The following SPR variants were observed in gnomAD, a reference collection of about 807,000 sequenced individuals.
SPR encodes the protein sepiapterin reductase.
In SPR, 12 loss-of-function variants were observed where a neutral mutation model predicts 16.0. The observed-to-expected ratio is 0.75, with a 90% confidence interval of 0.48 to 1.22. The LOEUF is 1.22. Ranked by LOEUF, SPR falls within the 50% of genes most tolerant of loss-of-function variation. The pLI, the probability that SPR is intolerant of heterozygous loss-of-function variation, is 0.00. For missense variants in SPR, 324 were observed against 344.4 expected, an observed-to-expected ratio of 0.94 and a Z score of 0.47; for synonymous variants, 177 against 168.5, an observed-to-expected ratio of 1.05 and a Z score of -0.39.
In SPR at chr2:72,887,714, A is replaced by G. The variant is rs1399832680; in HGVS notation, c.282A>G (p.Arg94=). ...RELPRPKGLQ[R]LLLINNAGSL... The stretch of plus-strand genomic sequence containing the variant: ...TCCCCCGGCCCAAGGGGCTGCAGCG[A>G]CTGCTGCTTATCAACAACGCGGGTA... The change falls in exon 1 of 3, where the codon CGA becomes CGG. Residue 94 remains arginine (R), a synonymous_variant. Coordinates refer to ENST00000234454, the MANE Select transcript of SPR (RefSeq NM_003124.5). 18 of 1,512,032 alleles carry G rather than the reference A, an allele frequency of 1.2e-5. No homozygotes were observed. Among genetic ancestry groups the G allele is most frequent in the Non-Finnish European group, 1.5e-5 (17 of 1,136,468 alleles). The allele number at this position is 1,512,032 out of a possible 1,614,324, so 93.7% of individuals were successfully genotyped here.
rs398122922 is a variant in SPR, at chr2:72,891,345, A to G, written c.596-2A>G. 12 of 1,613,944 alleles carry G rather than the reference A, an allele frequency of 7.4e-6. No individual in the cohort carries two copies. Among genetic ancestry groups the G allele is most frequent in the Admixed American group, 5.0e-5 (3 of 60,000 alleles). ...CCTCATCGTCTCCTTTTCATCCTCT[A>G]GGTCCTCTGGACACAGACATGCAGC... On this transcript the variant is annotated splice_acceptor_variant, in intron 2 of 2. Transcript: ENST00000234454. LOFTEE classifies it high-confidence loss of function.
intron 2 of SPR, among the ~76,000 whole-genome samples, chr2:72,889,965 T>C (rs2105242256): frequency 6.6e-6 from 1 of 152,344 alleles, no homozygotes; most frequent in African/African-American, 2.4e-5. Flanking sequence ...CCTGGAATTC[T>C]CTGATGTTCT....
rs760567265 is a variant in SPR, at chr2:72,888,601, C to T, written c.592C>T (p.Pro198Ser). The T allele has an allele frequency of 1.3e-6, 2 of 1,591,710 alleles. No homozygotes were observed. The highest frequency in any genetic ancestry group is 1.7e-6 in the Non-Finnish European group (2 of 1,167,746). ...TAATGTGAGGGTGCTGAACTATGCC[C>T]CAGGTAGGTGGGAAGTCCTGCCGTC... Reference protein sequence around the residue: ...EPNVRVLNYAPGPLDTDMQQL... With the variant: ...EPNVRVLNYASGPLDTDMQQL... Residue 198 changes from proline (P) to serine (S), a missense_variant, in exon 2 of 3, where the codon CCA becomes TCA. By Grantham distance (74) the Pro-to-Ser change is moderately conservative. Coordinates refer to ENST00000234454, the MANE Select transcript of SPR (RefSeq NM_003124.5).
rs560189413 is a variant in SPR at position 72,891,697 on chromosome 2, C to T, written c.*160C>T. ...TCAGGCACAGCCAGCTGTGAGCTCC[C>T]AGGTCATTGGCCTTACCAGTTGTCA... is the stretch of plus-strand genomic sequence containing the variant. On this transcript the variant is annotated 3_prime_UTR_variant, in exon 3 of 3. Coordinates refer to ENST00000234454, the MANE Select transcript of SPR (RefSeq NM_003124.5). The T allele has an allele frequency of 1.2e-6, 1 of 837,872 alleles. No individual in the cohort carries two copies. The highest frequency in any genetic ancestry group is 1.7e-5 in the African/African-American group (1 of 59,380). The allele number at this position is 837,872 out of a possible 1,614,324, so 51.9% of individuals were successfully genotyped here.
intron 2 of SPR, among the ~76,000 whole-genome samples, chr2:72,888,830 G>A (rs1450742592): frequency 6.6e-6 from 1 of 152,212 alleles, no homozygotes; most frequent in East Asian, 1.9e-4. Context: ...GGAGGGTGGG[G>A]CAGGAAGGTC....
At position 72,887,416 on chromosome 2, in the gene SPR, C is replaced by T. The variant is rs965411568; in HGVS notation, c.-17C>T. On this transcript the variant is annotated 5_prime_UTR_variant, in exon 1 of 3. Coordinates refer to ENST00000234454, the MANE Select transcript of SPR (RefSeq NM_003124.5). The stretch of plus-strand genomic sequence containing the variant: ...GCCTGGTCTCGGGTGCCAGCGCCGC[C>T]GGCGGAGAACAGGAGCATGGAGGGC... 34 of 1,465,704 alleles carry T rather than the reference C, an allele frequency of 2.3e-5. No individual in the cohort carries two copies. The Admixed American group carries it at 6.0e-4, about 26-fold the overall frequency. 90.8% of individuals were successfully genotyped at this position (1,465,704 alleles called of 1,614,324 possible). A position where few individuals can be genotyped will look rare whatever the true frequency, so the allele number is the denominator to read the frequency against.
chr2:72,888,574 C>G lies in SPR; in HGVS notation c.565C>G (p.Pro189Ala). The change falls in exon 2 of 3, where the codon CCT becomes GCT. Residue 189 changes from proline (P) to alanine (A), a missense_variant. Physicochemically the swap from Pro to Ala is conservative, Grantham distance 27 (BLOSUM62 -1). Coordinates refer to ENST00000234454, the MANE Select transcript of SPR (RefSeq NM_003124.5). ...GTTCCAGGTCCTGGCGCTGGAGGAA[C>G]CTAATGTGAGGGTGCTGAACTATGC... is the stretch of plus-strand genomic sequence containing the variant. ...MLFQVLALEE[P>A]NVRVLNYAPG... 1 of 1,596,772 alleles carries G rather than the reference C, an allele frequency of 6.3e-7. No homozygotes were observed.
chr2:72,888,258 T>G (rs1330238042), intron 1 of SPR, 56 bp from the exon 2 acceptor site: 2 of 1,576,618 alleles, frequency 1.3e-6, no homozygotes, highest in Non-Finnish European at 1.7e-6. Context: ...TTGGGAGGGC[T>G]GGGGAAGAAG....
intron 2 of SPR, among the ~76,000 whole-genome samples, chr2:72,890,394 G>A (rs928932419): frequency 6.6e-6 from 1 of 152,236 alleles, no homozygotes; most frequent in Non-Finnish European, 1.5e-5. Context: ...CTAGGCTGGA[G>A]TGCAGTGGCA....
chr2:72,888,385 C>T lies in SPR; in HGVS notation c.376C>T (p.Leu126=), dbSNP rs750187512. The part of the protein sequence containing the change: ...DSTQVNNYWA[L]NLTSMLCLTS... ...CACTCAAGTGAACAACTACTGGGCACTGAACTTGACCTCCATGCTCTGCCT... is the reference window on the plus strand; with the variant it reads ...CACTCAAGTGAACAACTACTGGGCATTGAACTTGACCTCCATGCTCTGCCT... The change falls in exon 2 of 3, where the codon CTG becomes TTG. Residue 126 remains leucine (L), a synonymous_variant. Transcript: ENST00000234454. The T allele has an allele frequency of 6.2e-7, 1 of 1,614,208 alleles. No homozygotes were observed. The highest frequency in any genetic ancestry group is 8.5e-7 in the Non-Finnish European group (1 of 1,180,026).
chr2:72,892,120 G>A lies in SPR; in HGVS notation c.*583G>A, dbSNP rs150175656. ...GGGGCTCCTGGGTGTCTGTATACAC[G>A]CCAAAGGCAGATACAAATAAAATAC... On this transcript the variant is annotated 3_prime_UTR_variant, in exon 3 of 3. Coordinates refer to ENST00000234454, the MANE Select transcript of SPR (RefSeq NM_003124.5). 259 of 162,612 alleles carry A rather than the reference G, an allele frequency of 1.6e-3. No individual in the cohort carries two copies. The highest frequency in any genetic ancestry group is 5.7e-3 in the African/African-American group (240 of 41,740). 10.1% of individuals were successfully genotyped at this position (162,612 alleles called of 1,614,324 possible). A position where few individuals can be genotyped will look rare whatever the true frequency, so the allele number is the denominator to read the frequency against.
chr2:72,888,254 G>A (rs1445528453), intron 1 of SPR, 60 bp from the exon 2 acceptor site: 1 of 1,556,744 alleles, frequency 6.4e-7, no homozygotes, highest in East Asian at 2.2e-5. Flanking sequence ...GAACTTGGGA[G>A]GGCTGGGGAA....
chr2:72,888,298 A>G lies in SPR; in HGVS notation c.305-16A>G, dbSNP rs767397514. On this transcript the variant is annotated splice_polypyrimidine_tract_variant and intron_variant, in intron 1 of 2. Coordinates refer to ENST00000234454, the MANE Select transcript of SPR (RefSeq NM_003124.5). ...CCCCGCCTGCACTGAGTTACTCCTA[A>G]GGGTTGGTTTTTCAGGCTCTCTTGG... The G allele has an allele frequency of 6.2e-7, 1 of 1,614,030 alleles. No individual in the cohort carries two copies. Among genetic ancestry groups the G allele is most frequent in the Non-Finnish European group, 8.5e-7 (1 of 1,179,990 alleles).
chr2:72,890,476 G>A (rs1024256458), intron 2 of SPR, among the ~76,000 whole-genome samples: 2 of 152,200 alleles, frequency 1.3e-5, no homozygotes, highest in Admixed American at 6.5e-5. Flanking sequence ...CGAGTAGCTG[G>A]GACTACAAGC....
chr2:72,890,646 T>A (rs943026756), intron 2 of SPR, among the ~76,000 whole-genome samples: 1 of 152,182 alleles, frequency 6.6e-6, no homozygotes, highest in African/African-American at 2.4e-5. Context: ...TGGCCTAGGC[T>A]CAGGCAATTC....
At chr2:72,890,423 G>A (rs1279197915) in intron 2 of SPR, among the ~76,000 whole-genome samples, 1 of 152,158 alleles carries the variant, frequency 6.6e-6, no homozygotes, top group East Asian at 1.9e-4. Context: ...GCCACTGCAA[G>A]CTCCACCTCC....
intron 1 of SPR, 62 bp from the exon 2 acceptor site, chr2:72,888,252 G>C: frequency 6.5e-7 from 1 of 1,549,672 alleles, no homozygotes; most frequent in Non-Finnish European, 8.9e-7. Context: ...AGGAACTTGG[G>C]AGGGCTGGGG....
In SPR at chr2:72,891,889, G is replaced by A. The variant is rs986937935; in HGVS notation, c.*352G>A. 1 of 331,832 alleles carries A rather than the reference G, an allele frequency of 3.0e-6. No homozygotes were observed. Among genetic ancestry groups the A allele is most frequent in the Non-Finnish European group, 5.8e-6 (1 of 172,128 alleles). The allele number at this position is 331,832 out of a possible 1,614,324, so 20.6% of individuals were successfully genotyped here. On this transcript the variant is annotated 3_prime_UTR_variant, in exon 3 of 3. Coordinates refer to ENST00000234454, the MANE Select transcript of SPR (RefSeq NM_003124.5). Reference sequence around the variant, plus strand: ...TCTCTTGCTCATAGCAAGCCTGTGGGTAGAGGAAAGAGTGATCTGGTGTCG... The same window carrying A: ...TCTCTTGCTCATAGCAAGCCTGTGGATAGAGGAAAGAGTGATCTGGTGTCG...
At chr2:72,890,897 G>C (rs1047252696) in intron 2 of SPR, among the ~76,000 whole-genome samples, 1 of 152,194 alleles carries the variant, frequency 6.6e-6, no homozygotes, top group African/African-American at 2.4e-5. Context: ...TACAGAAGGA[G>C]CTGAGGCAGG....
Sources: allele counts gnomAD v4.1 joint callset (sites outside exome capture counted in the v4.1 genomes callset), GRCh38; gene constraint gnomAD v4.1.1; transcripts MANE v1.5; gene names NCBI Gene and HGNC (gene_info 2026-07-23, HGNC 2026-07-21).